SCFD2: variants seen among roughly 807,000 people sequenced by gnomAD.
The protein encoded by SCFD2 is sec1 family domain containing 2.
In SCFD2, 54 loss-of-function variants were observed where a neutral mutation model predicts 58.9. The ratio of observed to expected loss-of-function variants is 0.92; its 90% CI spans 0.74 to 1.15. SCFD2 has a LOEUF of 1.15. Ranked by LOEUF, SCFD2 falls within the 50% of genes most tolerant of loss-of-function variation. The pLI is 0.00. For synonymous variants in SCFD2, 321 were observed against 335.9 expected (o/e 0.96, Z 0.49); for missense variants, 805 against 836.6 (o/e 0.96, Z 0.47).
chr4:53,183,054 A>G (rs1226815727), intron 4 of SCFD2, among the ~76,000 whole-genome samples: 2 of 152,106 alleles, frequency 1.3e-5, no homozygotes, highest in African/African-American at 2.4e-5. Context: ...ACTGTTGGTG[A>G]GCCTGTAAAC....
intron 4 of SCFD2, among the ~76,000 whole-genome samples, chr4:53,259,597 G>A (rs1367606849): frequency 6.6e-6 from 1 of 152,146 alleles, no homozygotes; most frequent in East Asian, 1.9e-4. Context: ...TTTTATACCA[G>A]AATCATGCTG....
chr4:53,276,263 A>T (rs1252050721), intron 3 of SCFD2, among the ~76,000 whole-genome samples: 1 of 152,158 alleles, frequency 6.6e-6, no homozygotes, highest in African/African-American at 2.4e-5. Flanking sequence ...TATAGCAAAA[A>T]AGCGTACAAT....
intron 5 of SCFD2, among the ~76,000 whole-genome samples, chr4:52,988,746 G>T (rs972040939): frequency 2.6e-5 from 4 of 152,098 alleles, no homozygotes; most frequent in Non-Finnish European, 5.9e-5. Flanking sequence ...TGACTCAGAG[G>T]CAATACAGGA....
rs138278097 is a variant in SCFD2, at chr4:53,112,855, G to C, written c.1561+32478C>G. On this transcript the variant is annotated intron_variant, in intron 5 of 8. Coordinates refer to ENST00000401642, the MANE Select transcript of SCFD2 (RefSeq NM_152540.4). ...CTCCATCTTCTCCAGCCTACATTAG[G>C]ACAATGGCTTCCTCATTGGCTTTTC... Among the ~76,000 whole-genome samples the C allele has an allele frequency of 5.4e-3, 824 of 152,028 alleles. 10 individuals carry two copies. Among genetic ancestry groups the C allele is most frequent in the African/African-American group, 0.019 (792 of 41,498 alleles).
rs190586107 is a variant in SCFD2 at position 53,000,547 on chromosome 4, T to A, written c.1562-79677A>T. 2.2e-4 allele frequency among the ~76,000 whole-genome samples: 34 copies of A among 152,216 alleles called. No individual in the cohort carries two copies. In the East Asian group the frequency reaches 5.8e-3, roughly 26 times the overall value. ...AGGAAAGGTAAGAAATCCAGCCAGA[T>A]TGTGTACAGAGGAGCCAGGGGATCC... On this transcript the variant is annotated intron_variant, in intron 5 of 8. Coordinates refer to ENST00000401642, the MANE Select transcript of SCFD2 (RefSeq NM_152540.4).
intron 3 of SCFD2, among the ~76,000 whole-genome samples, chr4:53,305,502 C>T (rs1370407130): frequency 6.6e-6 from 1 of 152,050 alleles, no homozygotes; most frequent in Admixed American, 6.6e-5. Flanking sequence ...ATACAAAGTA[C>T]CAGCTGTTTT....
At chr4:52,892,196 G>C (rs1718893649) in intron 7 of SCFD2, among the ~76,000 whole-genome samples, 1 of 152,112 alleles carries the variant, frequency 6.6e-6, no homozygotes, top group Non-Finnish European at 1.5e-5. Context: ...TAAGCAAATG[G>C]CCCTAGACAG....
chr4:53,256,181 G>A (rs1329130397), intron 4 of SCFD2, among the ~76,000 whole-genome samples: 19 of 149,940 alleles, frequency 1.3e-4, no homozygotes, highest in South Asian at 1.3e-3. Flanking sequence ...GGCGGCTGCC[G>A]GGCGGAGGGA....
chr4:52,924,833 C>G (rs147845421), intron 5 of SCFD2, among the ~76,000 whole-genome samples: 1 of 152,274 alleles, frequency 6.6e-6, no homozygotes, highest in Non-Finnish European at 1.5e-5. Flanking sequence ...GATTGCAGAC[C>G]TGAACTTCTC....
intron 5 of SCFD2, among the ~76,000 whole-genome samples, chr4:52,982,153 G>A (rs907399053): frequency 6.6e-6 from 1 of 152,136 alleles, no homozygotes; most frequent in African/African-American, 2.4e-5. Flanking sequence ...GGTTATGGGA[G>A]GCTAGAAGTG....
At chr4:52,944,492 A>G (rs1018440588) in intron 5 of SCFD2, among the ~76,000 whole-genome samples, 1 of 152,234 alleles carries the variant, frequency 6.6e-6, no homozygotes, top group Non-Finnish European at 1.5e-5. Context: ...TAACTATATT[A>G]TTCAGTTCTT....
intron 5 of SCFD2, among the ~76,000 whole-genome samples, chr4:53,042,717 T>C (rs748174613): frequency 2.6e-5 from 4 of 151,974 alleles, no homozygotes; most frequent in Non-Finnish European, 4.4e-5. Context: ...TTTCAGCGAA[T>C]TCAGCCATTT....
intron 2 of SCFD2, among the ~76,000 whole-genome samples, chr4:53,333,847 C>T (rs940789310): frequency 1.4e-4 from 19 of 139,244 alleles, no homozygotes; most frequent in African/African-American, 4.3e-4. Context: ...TCACAACCTA[C>T]TCATCTGACA....
At chr4:52,976,307 C>G (rs1224386634) in intron 5 of SCFD2, among the ~76,000 whole-genome samples, 1 of 152,148 alleles carries the variant, frequency 6.6e-6, no homozygotes, top group East Asian at 1.9e-4. Context: ...TAATACCTAC[C>G]TGGCAGGTGA....
rs1364501396 is a variant in SCFD2, at chr4:53,105,776, T to A, written c.1561+39557A>T. 7.2e-5 allele frequency among the ~76,000 whole-genome samples: 11 copies of A among 152,228 alleles called. No homozygotes were observed. The East Asian group carries it at 2.1e-3, about 30-fold the overall frequency. On this transcript the variant is annotated intron_variant, in intron 5 of 8. Coordinates refer to ENST00000401642, the MANE Select transcript of SCFD2 (RefSeq NM_152540.4). Reference sequence around the variant, plus strand: ...TGGGCGCAGCTTCAGCAGACTTAAATGTCCCTGCCTGCAGGCTCTGAAGAG... The same window carrying A: ...TGGGCGCAGCTTCAGCAGACTTAAAAGTCCCTGCCTGCAGGCTCTGAAGAG...
At chr4:53,211,185 A>G (rs1403400687) in intron 4 of SCFD2, among the ~76,000 whole-genome samples, 1 of 151,540 alleles carries the variant, frequency 6.6e-6, no homozygotes, top group Non-Finnish European at 1.5e-5. Context: ...GGAGGTTGCA[A>G]TGAGCTGAGA....
intron 4 of SCFD2, among the ~76,000 whole-genome samples, chr4:53,240,836 G>A (rs192555121): frequency 1.2e-4 from 19 of 152,204 alleles, no homozygotes; most frequent in Non-Finnish European, 2.5e-4. Flanking sequence ...CGATTTCTTA[G>A]AAACAGTTTG....
intron 5 of SCFD2, among the ~76,000 whole-genome samples, chr4:53,033,913 A>C (rs1722687949): frequency 6.6e-6 from 1 of 152,218 alleles, no homozygotes; most frequent in South Asian, 2.1e-4. Context: ...ATTCTTTCTG[A>C]AACTATTCCA....
chr4:52,896,362 T>G (rs1449332015), intron 7 of SCFD2, among the ~76,000 whole-genome samples: 1 of 152,190 alleles, frequency 6.6e-6, no homozygotes, highest in African/African-American at 2.4e-5. Flanking sequence ...AGGGATCCAG[T>G]TTCAGCTTTC....
Sources: gnomAD v4.1 joint callset for allele counts (sites outside exome capture counted in the v4.1 genomes callset) on GRCh38, gnomAD v4.1.1 for gene constraint, MANE v1.5 for transcripts, NCBI Gene and HGNC (gene_info 2026-07-23, HGNC 2026-07-21) for gene names.